Variants in NCOR2 observed in about 807,000 individuals in gnomAD.
NCOR2 encodes nuclear receptor corepressor 2.
A neutral mutation model predicts 262.9 loss-of-function variants in NCOR2; 81 were observed. The observed-to-expected ratio is 0.31, with a 90% confidence interval of 0.26 to 0.37. The LOEUF is 0.37. Among genes scored for constraint, NCOR2 ranks in the 10% least tolerant of loss-of-function variants. NCOR2 has a pLI of 1.00. For synonymous variants in NCOR2, 1,659 were observed against 1,559.3 expected (o/e 1.06, Z -1.51); for missense variants, 3,385 against 3,621.4 (o/e 0.93, Z 1.68).
In NCOR2 at chr12:124,402,656, AG is replaced by A. The variant is rs1486987546; in HGVS notation, c.1483-96del. ...ACCTGGGCTCAGCCTGAGCTGGGGG[AG>A]GAGGAGGAAAACCCGTGGAGTCCAC... On this transcript the variant is annotated intron_variant, in intron 13 of 46. Transcript: ENST00000405201. The A allele has an allele frequency of 2.6e-6, 4 of 1,529,040 alleles. No homozygotes were observed. In the African/African-American group the frequency reaches 5.5e-5, roughly 21 times the overall value. The allele number at this position is 1,529,040 out of a possible 1,614,324, so 94.7% of individuals were successfully genotyped here.
intron 37 of NCOR2, among the ~76,000 whole-genome samples, chr12:124,339,548 C>T (rs1478311129): frequency 2.0e-5 from 3 of 150,610 alleles, no homozygotes; most frequent in Non-Finnish European, 3.0e-5. Context: ...CTAACCCTAT[C>T]ACCCACCCAT....
intron 23 of NCOR2, among the ~76,000 whole-genome samples, chr12:124,356,003 C>T (rs116628771): frequency 0.011 from 1,752 of 152,364 alleles, 29 homozygotes; most frequent in African/African-American, 0.029. Context: ...TCAGGCTCGC[C>T]TGACCTGGCC....
At chr12:124,506,005 A>G (rs1314065591) in intron 1 of NCOR2, among the ~76,000 whole-genome samples, 1 of 151,672 alleles carries the variant, frequency 6.6e-6, no homozygotes. Flanking sequence ...CCTCCTCTAG[A>G]GAGGCTCCTC....
In NCOR2 at chr12:124,378,045, T is replaced by G. The variant is rs1185989841; in HGVS notation, c.2167+192A>C. 6.6e-6 allele frequency among the ~76,000 whole-genome samples: 1 copy of G among 152,022 alleles called. No individual in the cohort carries two copies. On this transcript the variant is annotated intron_variant, in intron 18 of 46. Coordinates refer to ENST00000405201, the Ensembl canonical transcript of NCOR2. This position sits in a 1 kb window ranked among gnomAD's most constrained non-coding sequence, Gnocchi z 4.2. ...GATTATTCTCAGTATTGTTATGGCC[T>G]TCATCCTTGTGCCCATTACTGGTGA...
intron 5 of NCOR2, among the ~76,000 whole-genome samples, chr12:124,458,928 TGGGTATGGGGTAGCATGG>T (rs2046022674): frequency 6.6e-6 from 1 of 152,070 alleles, no homozygotes; most frequent in African/African-American, 2.4e-5. Flanking sequence ...AGTGAAGGAC[TGGGTATGGGGTAGCATGG>T]GGGCAGGGCA....
chr12:124,351,853 G>A (rs1436992074), intron 27 of NCOR2, among the ~76,000 whole-genome samples: 7 of 152,162 alleles, frequency 4.6e-5, no homozygotes, highest in Admixed American at 2.0e-4. Context: ...AGGGTTCCAG[G>A]AGCAGATTCA....
intron 13 of NCOR2, among the ~76,000 whole-genome samples, chr12:124,415,691 G>A (rs569948375): frequency 1.5e-4 from 23 of 152,336 alleles, no homozygotes; most frequent in Admixed American, 9.8e-4. Context: ...TGCCTGGAAC[G>A]GCAGCTTCAG....
chr12:124,444,999 C>T (rs139436817), intron 7 of NCOR2, among the ~76,000 whole-genome samples: 1 of 152,114 alleles, frequency 6.6e-6, no homozygotes, highest in African/African-American at 2.4e-5. Context: ...CTGACTGATC[C>T]CCCTTTCCGC....
upstream of NCOR2, among the ~76,000 whole-genome samples, chr12:124,498,668 C>T (rs1291092433): frequency 6.6e-6 from 1 of 152,204 alleles, no homozygotes; most frequent in Non-Finnish European, 1.5e-5. Context: ...CATTCCCAGG[C>T]ATCCACCCAA....
intron 1 of NCOR2, among the ~76,000 whole-genome samples, chr12:124,551,329 G>T (rs539909335): frequency 4.4e-4 from 67 of 152,202 alleles, no homozygotes; most frequent in African/African-American, 1.5e-3. Flanking sequence ...GCAGTCATAC[G>T]GCTCCCCCAG....
In NCOR2 at chr12:124,414,453, C is replaced by T. The variant is rs143781952; in HGVS notation, c.1482+5504G>A. Among the ~76,000 whole-genome samples the T allele has an allele frequency of 9.2e-5, 14 of 152,350 alleles. 2 individuals carry two copies. Among genetic ancestry groups the T allele is most frequent in the African/African-American group, 3.4e-4 (14 of 41,586 alleles). On this transcript the variant is annotated intron_variant, in intron 13 of 46. Transcript: ENST00000405201. ...AGCGGCCAGCAGCACCCATCCCCAT[C>T]ACACAGCAGGGCCAGGTGCCCCTGG...
chr12:124,488,274 T>G lies in NCOR2; in HGVS notation c.106-1706A>C, dbSNP rs111775556. On this transcript the variant is annotated intron_variant, in intron 1 of 46. Transcript: ENST00000405201. ...GGCCAGGAAGGATGAGCAAGTGGAA[T>G]CCATGGGGACCCTGGCAGCCTCAGA... 1.4e-4 allele frequency among the ~76,000 whole-genome samples: 22 copies of G among 152,246 alleles called. 1 individual carries two copies. The highest frequency in any genetic ancestry group is 4.3e-4 in the African/African-American group (18 of 41,546).
exon 25 of NCOR2, chr12:124,354,888 C>G: frequency 6.2e-7 from 1 of 1,612,180 alleles, no homozygotes; most frequent in East Asian, 2.2e-5. Context: ...ACAGGGCCCA[C>G]CGGGGCCTTG....
At chr12:124,449,378 C>A (rs1319413084) in intron 7 of NCOR2, among the ~76,000 whole-genome samples, 4 of 152,214 alleles carry the variant, frequency 2.6e-5, no homozygotes, top group Non-Finnish European at 5.9e-5. Flanking sequence ...TGTGCAGACA[C>A]CAGGTGATTC....
At chr12:124,370,896 C>T (rs950174206) in intron 20 of NCOR2, among the ~76,000 whole-genome samples, 3 of 152,154 alleles carry the variant, frequency 2.0e-5, no homozygotes, top group African/African-American at 7.2e-5. Context: ...CACCTGTGAT[C>T]CAAGGTGATC....
intron 32 of NCOR2, among the ~76,000 whole-genome samples, chr12:124,343,575 C>G (rs2036641480): frequency 6.6e-6 from 1 of 151,920 alleles, no homozygotes; most frequent in Admixed American, 6.6e-5. Flanking sequence ...GATAAACTAG[C>G]AAACAAATGA....
At chr12:124,356,691 C>T in exon 23 of NCOR2, 1 of 1,478,614 alleles carries the variant, frequency 6.8e-7, no homozygotes, top group Non-Finnish European at 8.9e-7. Flanking sequence ...GCGGGGAGGC[C>T]TTGATCACCT....
rs997130416 is a variant in NCOR2, at chr12:124,457,841, G to A, written c.706-679C>T. 3.4e-4 allele frequency among the ~76,000 whole-genome samples: 52 copies of A among 152,090 alleles called. No homozygotes were observed. The highest frequency in any genetic ancestry group is 1.1e-3 in the African/African-American group (47 of 41,502). On this transcript the variant is annotated intron_variant, in intron 5 of 46. Transcript: ENST00000405201. The surrounding 1 kb of genome is among the most constrained non-coding windows in gnomAD (Gnocchi z 4.0). Reference sequence around the variant, plus strand: ...GGTGTGAAGGCAGACATTGTGCCTCGGCCAGGCCCACCAGCCCGCAGCCTG... The same window carrying A: ...GGTGTGAAGGCAGACATTGTGCCTCAGCCAGGCCCACCAGCCCGCAGCCTG...
intron 18 of NCOR2, among the ~76,000 whole-genome samples, chr12:124,377,320 G>A (rs1008006119): frequency 6.6e-6 from 1 of 152,144 alleles, no homozygotes; most frequent in Non-Finnish European, 1.5e-5. Context: ...CACACTCCGT[G>A]GTACCTGGGG....
Sources: allele counts gnomAD v4.1 joint callset (sites outside exome capture counted in the v4.1 genomes callset), GRCh38; gene constraint gnomAD v4.1.1; non-coding constraint Gnocchi (gnomAD v3.1); transcripts MANE v1.5; gene names NCBI Gene and HGNC (gene_info 2026-07-23, HGNC 2026-07-21).